The following ENTREP2 variants were observed in gnomAD, a reference collection of about 807,000 sequenced individuals.
ENTREP2 encodes the protein protein ENTREP2.
the ENTREP2 span, among the ~76,000 whole-genome samples, chr15:29,327,084 A>C: frequency 6.6e-6 from 1 of 152,196 alleles, no homozygotes; most frequent in African/African-American, 2.4e-5. Flanking sequence ...TCATGCACCT[A>C]AATGTAAAAT....
At chr15:29,616,919 G>C in the ENTREP2 span, among the ~76,000 whole-genome samples, 1 of 152,122 alleles carries the variant, frequency 6.6e-6, no homozygotes. Flanking sequence ...AATTAGCCAG[G>C]TGTGGTGGCA....
At chr15:29,386,343 C>A in the ENTREP2 span, among the ~76,000 whole-genome samples, 1 of 152,184 alleles carries the variant, frequency 6.6e-6, no homozygotes, top group Non-Finnish European at 1.5e-5. Context: ...AGCCCCAAAA[C>A]ACTCCCCAAA....
At chr15:29,550,075 T>C in the ENTREP2 span, among the ~76,000 whole-genome samples, 1 of 152,170 alleles carries the variant, frequency 6.6e-6, no homozygotes, top group Non-Finnish European at 1.5e-5. Context: ...GCTGAGCTCC[T>C]TCAAACCCTC....
chr15:29,601,378 T>C, the ENTREP2 span, among the ~76,000 whole-genome samples: 1 of 152,040 alleles, frequency 6.6e-6, no homozygotes, highest in African/African-American at 2.4e-5. Flanking sequence ...GTGCTTTCAA[T>C]GTCATAAAAT....
chr15:29,510,834 T>C, the ENTREP2 span, among the ~76,000 whole-genome samples: 2 of 147,920 alleles, frequency 1.4e-5, no homozygotes, highest in African/African-American at 2.5e-5. Flanking sequence ...ATGTGGCACA[T>C]ATACACCATG....
At chr15:29,144,770 T>C in the ENTREP2 span, among the ~76,000 whole-genome samples, 1 of 151,940 alleles carries the variant, frequency 6.6e-6, no homozygotes, top group Non-Finnish European at 1.5e-5. Context: ...CCGGGTGTGG[T>C]GGCTCACACC....
the ENTREP2 span, among the ~76,000 whole-genome samples, chr15:29,270,857 CCT>C: frequency 6.6e-6 from 1 of 152,136 alleles, no homozygotes; most frequent in Non-Finnish European, 1.5e-5. Context: ...ACTGAATTTC[CCT>C]GTGTCTTTTT....
chr15:29,348,776 A>G, the ENTREP2 span, among the ~76,000 whole-genome samples: 2 of 152,228 alleles, frequency 1.3e-5, no homozygotes, highest in African/African-American at 4.8e-5. Context: ...TTTCAGCCCC[A>G]TGGTGTCATA....
the ENTREP2 span, among the ~76,000 whole-genome samples, chr15:29,582,270 A>G: frequency 1.3e-5 from 2 of 152,232 alleles, no homozygotes; most frequent in Non-Finnish European, 2.9e-5. Context: ...CAAATAAATA[A>G]CAACTTCTAT....
chr15:29,159,392 T>A, the ENTREP2 span, among the ~76,000 whole-genome samples: 3 of 152,126 alleles, frequency 2.0e-5, no homozygotes, highest in Non-Finnish European at 4.4e-5. Flanking sequence ...GCAGCAAGAT[T>A]TATTGCAAAC....
chr15:29,185,546 C>T, the ENTREP2 span, among the ~76,000 whole-genome samples: 1 of 152,050 alleles, frequency 6.6e-6, no homozygotes, highest in Non-Finnish European at 1.5e-5. Flanking sequence ...TTTTCCACGG[C>T]CCCTTCTTCC....
chr15:29,486,101 A>T, the ENTREP2 span, among the ~76,000 whole-genome samples: 2 of 152,212 alleles, frequency 1.3e-5, no homozygotes, highest in African/African-American at 4.8e-5. Context: ...TAAGATAGGA[A>T]ATCAACCTCA....
At chr15:29,353,368 G>C in the ENTREP2 span, among the ~76,000 whole-genome samples, 36 of 152,210 alleles carry the variant, frequency 2.4e-4, no homozygotes, top group African/African-American at 7.5e-4. Flanking sequence ...GTCTGCCTGG[G>C]AAGGAGAGGA....
chr15:29,247,746 A>AT, the ENTREP2 span, among the ~76,000 whole-genome samples: 1 of 151,826 alleles, frequency 6.6e-6, no homozygotes, highest in Non-Finnish European at 1.5e-5. Context: ...TGTAAAAAAA[A>AT]AGTAGCCCAT....
the ENTREP2 span, among the ~76,000 whole-genome samples, chr15:29,290,192 C>A: frequency 5.3e-5 from 8 of 152,258 alleles, no homozygotes; most frequent in African/African-American, 1.9e-4. Flanking sequence ...CCGGGCAGCC[C>A]CTGTTGTCTA....
the ENTREP2 span, among the ~76,000 whole-genome samples, chr15:29,184,655 T>C: frequency 6.6e-6 from 1 of 152,112 alleles, no homozygotes; most frequent in East Asian, 1.9e-4. Flanking sequence ...TCATGGGATT[T>C]GAAAGGGCTG....
At chr15:29,223,475 G>A in the ENTREP2 span, among the ~76,000 whole-genome samples, 3,042 of 152,246 alleles carry the variant, frequency 0.02, 118 homozygotes, top group African/African-American at 0.069. Context: ...CTGTTCCTTC[G>A]TAGACATGCT....
At chr15:29,628,162 G>C in the ENTREP2 span, among the ~76,000 whole-genome samples, 6 of 152,196 alleles carry the variant, frequency 3.9e-5, no homozygotes, top group African/African-American at 1.4e-4. Context: ...AATTTGGGAG[G>C]ATAATAAGTC....
chr15:29,489,008 G>A, the ENTREP2 span, among the ~76,000 whole-genome samples: 1 of 152,166 alleles, frequency 6.6e-6, no homozygotes, highest in Non-Finnish European at 1.5e-5. Context: ...GATTTCCTCT[G>A]GAGACAATGA....
Sources: gnomAD v4.1 joint callset for allele counts (sites outside exome capture counted in the v4.1 genomes callset) on GRCh38, gnomAD v4.1.1 for gene constraint, MANE v1.5 for transcripts, NCBI Gene and HGNC (gene_info 2026-07-23, HGNC 2026-07-21) for gene names.